Variants in TYW1B observed in about 807,000 individuals in gnomAD.
TYW1B encodes the protein tRNA-yW synthesizing protein 1 homolog B, also known as S-adenosyl-L-methionine-dependent tRNA 4-demethylwyosine synthase TYW1B.
A neutral mutation model predicts 86.9 loss-of-function variants in TYW1B; 73 were observed. The ratio of observed to expected loss-of-function variants is 0.84; its 90% CI spans 0.70 to 1.02. The LOEUF is 1.02. Among genes scored for constraint, TYW1B ranks in the 50% least tolerant of loss-of-function variants. The pLI, the probability that TYW1B is intolerant of heterozygous loss-of-function variation, is 0.00. For synonymous variants in TYW1B, 248 were observed against 292.8 expected (o/e 0.85, Z 1.56); for missense variants, 637 against 827.4 (o/e 0.77, Z 2.82).
intron 11 of TYW1B, among the ~76,000 whole-genome samples, chr7:72,649,040 G>T (rs571133043): frequency 1.8e-4 from 28 of 152,252 alleles, no homozygotes; most frequent in African/African-American, 6.5e-4. Flanking sequence ...TTGGAGGTTG[G>T]GAGAAATTAG....
At chr7:72,789,978 A>G (rs1554473122) in intron 6 of TYW1B, among the ~76,000 whole-genome samples, 1 of 108,068 alleles carries the variant, frequency 9.3e-6, no homozygotes, top group Non-Finnish European at 1.7e-5. Flanking sequence ...ACAGAGTTTC[A>G]CTCTTGTTGC....
At chr7:72,825,592 A>C (rs1327989306) in intron 2 of TYW1B, among the ~76,000 whole-genome samples, 1 of 152,122 alleles carries the variant, frequency 6.6e-6, no homozygotes, top group African/African-American at 2.4e-5. Context: ...AGGCAGGAGA[A>C]TTGCTTGAGG....
intron 10 of TYW1B, among the ~76,000 whole-genome samples, chr7:72,702,070 C>A (rs1563064428): frequency 6.6e-6 from 1 of 152,290 alleles, no homozygotes; most frequent in East Asian, 1.9e-4. Context: ...CATCTCATGG[C>A]CCAGCTTTTC....
In TYW1B at chr7:72,575,505, C is replaced by T. The variant is rs1401704328; in HGVS notation, c.2000G>A (p.Gly667Glu). 1 of 1,607,660 alleles carries T rather than the reference C, an allele frequency of 6.2e-7. No homozygotes were observed. ...CCTTGAAATCAGATAATCTCAACAT[C>T]CAGAAATAGCCTTTGATTTGTTCTT... ...QRKNKSKAIS[G>E]C The change falls in exon 14 of 14, where the codon GGA (glycine) becomes GAA (glutamate). Residue 667 changes from glycine (G) to glutamate (E), a missense_variant. Physicochemically the swap from Gly to Glu is moderately conservative, Grantham distance 98 (BLOSUM62 -2). Transcript: ENST00000620995.
chr7:72,669,974 A>C (rs186413292), intron 11 of TYW1B, among the ~76,000 whole-genome samples: 17 of 123,118 alleles, frequency 1.4e-4, no homozygotes, highest in African/African-American at 4.4e-4. Context: ...TAAATAAATA[A>C]ATAAAGATTA....
intron 11 of TYW1B, among the ~76,000 whole-genome samples, chr7:72,680,565 G>A (rs1813850426): frequency 1.3e-5 from 2 of 152,108 alleles, no homozygotes; most frequent in South Asian, 4.2e-4. Context: ...GACTTGGAAC[G>A]GCTTCCTGGC....
At chr7:72,688,997 TA>T (rs1389603474) in intron 11 of TYW1B, among the ~76,000 whole-genome samples, 1 of 152,002 alleles carries the variant, frequency 6.6e-6, no homozygotes, top group Non-Finnish European at 1.5e-5. Context: ...CAGAGCAGGG[TA>T]AAATGGCATT....
At chr7:72,688,238 T>C (rs1410745762) in intron 11 of TYW1B, among the ~76,000 whole-genome samples, 1 of 152,202 alleles carries the variant, frequency 6.6e-6, no homozygotes, top group Admixed American at 6.6e-5. Flanking sequence ...TTTTAGCAGA[T>C]ATGCTATGCA....
intron 10 of TYW1B, among the ~76,000 whole-genome samples, chr7:72,695,611 C>A (rs1163500870): frequency 2.0e-5 from 3 of 151,978 alleles, no homozygotes; most frequent in Admixed American, 6.6e-5. Flanking sequence ...CGGCCCAGTC[C>A]CCAGACAGGA....
At chr7:72,680,984 A>T (rs1446754064) in intron 11 of TYW1B, among the ~76,000 whole-genome samples, 3 of 152,194 alleles carry the variant, frequency 2.0e-5, no homozygotes, top group African/African-American at 7.2e-5. Flanking sequence ...ATTTTGTAAA[A>T]TTCAAACAAA....
chr7:72,695,685 C>G (rs1290656235), intron 10 of TYW1B, among the ~76,000 whole-genome samples: 1 of 152,022 alleles, frequency 6.6e-6, no homozygotes, highest in Non-Finnish European at 1.5e-5. Context: ...CTCAACCTCC[C>G]AGGTTCAAGT....
At chr7:72,745,016 G>C (rs1322620842) in intron 7 of TYW1B, among the ~76,000 whole-genome samples, 10 of 152,160 alleles carry the variant, frequency 6.6e-5, no homozygotes, top group African/African-American at 2.4e-4. Context: ...GCATCCTGGA[G>C]TGTCGTTCTT....
At chr7:72,816,398 G>T (rs1291986542) in intron 2 of TYW1B, among the ~76,000 whole-genome samples, 23 of 152,174 alleles carry the variant, frequency 1.5e-4, no homozygotes, top group East Asian at 1.4e-3. Context: ...TAAAATAAAA[G>T]AAAGAGTGAA....
intron 11 of TYW1B, among the ~76,000 whole-genome samples, chr7:72,635,005 T>A (rs189374362): frequency 6.6e-6 from 1 of 152,336 alleles, no homozygotes; most frequent in East Asian, 1.9e-4. Context: ...TCTTTCCTTA[T>A]TAGCGTTTCT....
intron 11 of TYW1B, among the ~76,000 whole-genome samples, chr7:72,641,660 T>C (rs1264279217): frequency 3.9e-5 from 6 of 152,142 alleles, no homozygotes; most frequent in African/African-American, 1.4e-4. Flanking sequence ...TTACGAGGTA[T>C]GGGGAGTAAC....
At chr7:72,720,936 C>T (rs776090236) in intron 9 of TYW1B, among the ~76,000 whole-genome samples, 1 of 131,342 alleles carries the variant, frequency 7.6e-6, no homozygotes, top group Non-Finnish European at 1.6e-5. Flanking sequence ...GTGTGATGTT[C>T]CCCTTCCTAT....
intron 6 of TYW1B, among the ~76,000 whole-genome samples, chr7:72,789,673 TGC>T (rs1447427305): frequency 4.0e-5 from 6 of 151,888 alleles, no homozygotes; most frequent in Non-Finnish European, 7.4e-5. Flanking sequence ...GACAGAGTGT[TGC>T]TATGTTGCCG....
intron 10 of TYW1B, among the ~76,000 whole-genome samples, chr7:72,710,716 G>A (rs1225204468): frequency 6.6e-6 from 1 of 152,160 alleles, no homozygotes; most frequent in Non-Finnish European, 1.5e-5. Context: ...ACTGAGGCAG[G>A]AGAATCGCTT....
intron 10 of TYW1B, among the ~76,000 whole-genome samples, chr7:72,710,855 T>C (rs1465604654): frequency 4.6e-5 from 7 of 152,226 alleles, no homozygotes; most frequent in Non-Finnish European, 7.3e-5. Flanking sequence ...TGTGCGAATG[T>C]ATGTGATCAA....
Sources: gnomAD v4.1 joint callset for allele counts (sites outside exome capture counted in the v4.1 genomes callset) on GRCh38, gnomAD v4.1.1 for gene constraint, MANE v1.5 for transcripts, NCBI Gene and HGNC (gene_info 2026-07-23, HGNC 2026-07-21) for gene names.